The following PARD3 variants were observed in gnomAD, a reference collection of about 807,000 sequenced individuals.
PARD3 encodes par-3 family cell polarity regulator.
In PARD3, 75 loss-of-function variants were observed where a neutral mutation model predicts 155.4. That is an observed-to-expected ratio of 0.48 (90% CI 0.40 to 0.58). The LOEUF is 0.58. PARD3 is among the 20% of genes least tolerant of loss of function. The pLI is 0.00. For synonymous variants in PARD3, 576 were observed against 610.5 expected (o/e 0.94, Z 0.83); for missense variants, 1,642 against 1,721.7 (o/e 0.95, Z 0.82).
intron 24 of PARD3, among the ~76,000 whole-genome samples, chr10:34,118,295 G>GT: frequency 6.6e-6 from 1 of 152,168 alleles, no homozygotes; most frequent in East Asian, 1.9e-4. Flanking sequence ...TGGCTGACCT[G>GT]TATCCATGTG....
chr10:34,288,503 T>C (rs1354531289), intron 20 of PARD3, among the ~76,000 whole-genome samples: 1 of 152,198 alleles, frequency 6.6e-6, no homozygotes, highest in Non-Finnish European at 1.5e-5. Flanking sequence ...TTCACCCTAA[T>C]AGCCAATATT....
At chr10:34,497,239 G>A (rs1009590076) in intron 3 of PARD3, among the ~76,000 whole-genome samples, 3 of 151,536 alleles carry the variant, frequency 2.0e-5, no homozygotes, top group Non-Finnish European at 4.4e-5. Flanking sequence ...ACTTGAAAAA[G>A]AAAATAAAAA....
intron 1 of PARD3, among the ~76,000 whole-genome samples, chr10:34,770,771 G>A (rs554466016): frequency 6.6e-6 from 1 of 152,300 alleles, no homozygotes; most frequent in South Asian, 2.1e-4. Context: ...CAGTTTCCTA[G>A]GGGTATCACC....
chr10:34,283,577 C>T (rs1029635903), intron 21 of PARD3, among the ~76,000 whole-genome samples: 1 of 151,982 alleles, frequency 6.6e-6, no homozygotes, highest in African/African-American at 2.4e-5. Flanking sequence ...AACAATCTAT[C>T]CGGAAGACAT....
rs58274978 is a variant in PARD3, at chr10:34,341,183, GAA to G, written c.2408+442_2408+443del. ...TTAAACAGTATGGTTATAGCACTCT[GAA>G]AAAAAAAAAAAAAAACACTTTAAAA... On this transcript the variant is annotated intron_variant, in intron 16 of 24. Coordinates refer to ENST00000374788, the MANE Select transcript of PARD3 (RefSeq NM_001184785.2). 5.9e-3 allele frequency among the ~76,000 whole-genome samples: 687 copies of G among 117,310 alleles called. 2 individuals are homozygous for G. Among genetic ancestry groups the G allele is most frequent in the African/African-American group, 9.9e-3 (311 of 31,506 alleles). 77.0% of individuals were successfully genotyped at this position (117,310 alleles called of 152,430 possible).
At chr10:34,523,996 T>A (rs1475450743) in intron 2 of PARD3, among the ~76,000 whole-genome samples, 1 of 152,164 alleles carries the variant, frequency 6.6e-6, no homozygotes, top group African/African-American at 2.4e-5. Flanking sequence ...GAATTCCCCT[T>A]TTTCTATCTC....
chr10:34,247,724 A>G (rs1443992409), intron 22 of PARD3, among the ~76,000 whole-genome samples: 1 of 152,144 alleles, frequency 6.6e-6, no homozygotes, highest in Admixed American at 6.5e-5. Context: ...AGATTGAAAG[A>G]CAACTAATAC....
intron 22 of PARD3, among the ~76,000 whole-genome samples, chr10:34,148,407 T>C (rs1050099480): frequency 4.6e-5 from 7 of 152,218 alleles, no homozygotes; most frequent in Non-Finnish European, 1.0e-4. Context: ...TGACATTGTT[T>C]CATTTTGATA....
intron 5 of PARD3, among the ~76,000 whole-genome samples, chr10:34,434,521 A>G (rs1241994027): frequency 6.6e-6 from 1 of 152,192 alleles, no homozygotes; most frequent in Non-Finnish European, 1.5e-5. Flanking sequence ...GCTGTTAACC[A>G]CTTCACCCAC....
intron 2 of PARD3, among the ~76,000 whole-genome samples, chr10:34,668,861 A>G (rs1369898366): frequency 6.6e-6 from 1 of 152,144 alleles, no homozygotes; most frequent in Non-Finnish European, 1.5e-5. Context: ...TTATTTGCAT[A>G]ATAGGACCTT....
intron 2 of PARD3, among the ~76,000 whole-genome samples, chr10:34,589,075 T>TAG (rs890165531): frequency 1.4e-4 from 21 of 151,768 alleles, no homozygotes; most frequent in African/African-American, 3.1e-4. Flanking sequence ...TATGTATACA[T>TAG]AGAGAGAGAG....
intron 2 of PARD3, among the ~76,000 whole-genome samples, chr10:34,599,439 A>G (rs925535603): frequency 2.0e-5 from 3 of 152,228 alleles, no homozygotes; most frequent in Non-Finnish European, 2.9e-5. Context: ...AGATTATGAC[A>G]GAACAGGCAT....
intron 22 of PARD3, among the ~76,000 whole-genome samples, chr10:34,217,174 T>C (rs1156645036): frequency 6.6e-6 from 1 of 151,994 alleles, no homozygotes; most frequent in East Asian, 1.9e-4. Flanking sequence ...AACATCTCGG[T>C]GGGAGGATGT....
intron 22 of PARD3, among the ~76,000 whole-genome samples, chr10:34,160,031 G>A (rs1467812262): frequency 3.3e-5 from 5 of 152,166 alleles, no homozygotes; most frequent in African/African-American, 7.2e-5. Context: ...AATCATAGAG[G>A]ACTAGAGAGA....
At chr10:34,401,948 C>T (rs985356787) in intron 5 of PARD3, 31 bp from the exon 6 acceptor site, 5 of 1,520,022 alleles carry the variant, frequency 3.3e-6, no homozygotes, top group Non-Finnish European at 4.6e-6. Flanking sequence ...GAAAAGTACA[C>T]TCTGTGTTAG....
intron 2 of PARD3, among the ~76,000 whole-genome samples, chr10:34,628,927 A>G (rs1357788193): frequency 5.9e-5 from 9 of 152,350 alleles, no homozygotes; most frequent in East Asian, 3.9e-4. Context: ...AATTCCCTAC[A>G]TCCTTCAAAT....
chr10:34,612,933 A>G (rs2091016530), intron 2 of PARD3, among the ~76,000 whole-genome samples: 1 of 152,226 alleles, frequency 6.6e-6, no homozygotes, highest in Non-Finnish European at 1.5e-5. Flanking sequence ...GTTTCTCTGT[A>G]TCTTCAATAA....
chr10:34,562,330 A>G (rs149616777), intron 2 of PARD3, among the ~76,000 whole-genome samples: 9,513 of 151,738 alleles, frequency 0.063, 959 homozygotes, highest in African/African-American at 0.22. Context: ...CCTGCTACTC[A>G]GGAGGCTGAG....
intron 22 of PARD3, among the ~76,000 whole-genome samples, chr10:34,168,002 A>T (rs1035166856): frequency 5.9e-5 from 9 of 152,090 alleles, no homozygotes; most frequent in African/African-American, 2.2e-4. Flanking sequence ...ATGTTGAAAC[A>T]TGAGTTTTTT....
Sources: allele counts gnomAD v4.1 joint callset (sites outside exome capture counted in the v4.1 genomes callset), GRCh38; gene constraint gnomAD v4.1.1; transcripts MANE v1.5; gene names NCBI Gene and HGNC (gene_info 2026-07-23, HGNC 2026-07-21).